MAP3K5: variants seen among roughly 807,000 people sequenced by gnomAD.
MAP3K5 encodes the protein mitogen-activated protein kinase kinase kinase 5.
Under a neutral mutation model 158.7 loss-of-function variants are expected in MAP3K5, and 56 were observed. The ratio of observed to expected loss-of-function variants is 0.35; its 90% CI spans 0.28 to 0.44. MAP3K5 has a LOEUF of 0.44. MAP3K5 is among the 20% of genes least tolerant of loss of function. The pLI, the probability that MAP3K5 is intolerant of heterozygous loss-of-function variation, is 1.00. For missense variants in MAP3K5, 1,294 were observed against 1,674.8 expected, an observed-to-expected ratio of 0.77 and a Z score of 3.97; for synonymous variants, 579 against 601.7, an observed-to-expected ratio of 0.96 and a Z score of 0.55.
intron 14 of MAP3K5, among the ~76,000 whole-genome samples, chr6:136,636,290 T>C (rs1022547207): frequency 5.3e-5 from 8 of 152,082 alleles, no homozygotes; most frequent in Non-Finnish European, 1.2e-4. Flanking sequence ...GCACCTTCTA[T>C]GAGGAACAGG....
intron 11 of MAP3K5, among the ~76,000 whole-genome samples, chr6:136,642,811 A>G (rs1423058521): frequency 6.6e-6 from 1 of 152,202 alleles, no homozygotes; most frequent in Non-Finnish European, 1.5e-5. Flanking sequence ...TAGGAGAATT[A>G]GTCTCATTAA....
At chr6:136,644,600 AG>A (rs1442426711) in intron 11 of MAP3K5, among the ~76,000 whole-genome samples, 1 of 152,226 alleles carries the variant, frequency 6.6e-6, no homozygotes, top group Non-Finnish European at 1.5e-5. Context: ...ATACTGTAGT[AG>A]GCACTGTCAG....
At chr6:136,597,413 A>G (rs1320161681) in intron 21 of MAP3K5, among the ~76,000 whole-genome samples, 1 of 152,200 alleles carries the variant, frequency 6.6e-6, no homozygotes, top group African/African-American at 2.4e-5. Context: ...ACAGCTATTC[A>G]TGATCACTAG....
chr6:136,611,496 A>T (rs1776343061), intron 17 of MAP3K5, 109 bp from the exon 18 acceptor site: 5 of 598,476 alleles, frequency 8.4e-6, no homozygotes, highest in Admixed American at 2.4e-5. Flanking sequence ...TACAGCTACC[A>T]ACGACATTAA....
At chr6:136,662,798 CAATATTTTTCTCTATTTAAA>C (rs1280623812) in intron 8 of MAP3K5, among the ~76,000 whole-genome samples, 1 of 152,138 alleles carries the variant, frequency 6.6e-6, no homozygotes, top group Non-Finnish European at 1.5e-5. Flanking sequence ...CCTTCCAGAT[CAATATTTTTCTCTATTTAAA>C]AATATTTTGG....
At chr6:136,575,471 A>C (rs1003337853) in intron 25 of MAP3K5, among the ~76,000 whole-genome samples, 16 of 152,142 alleles carry the variant, frequency 1.1e-4, no homozygotes, top group African/African-American at 3.9e-4. Flanking sequence ...ACTTTGACAC[A>C]ATACTATTAA....
At chr6:136,638,127 G>A (rs1452679603) in intron 13 of MAP3K5, among the ~76,000 whole-genome samples, 1 of 152,044 alleles carries the variant, frequency 6.6e-6, no homozygotes, top group East Asian at 1.9e-4. Flanking sequence ...AAATTCCCAA[G>A]CCTGATTGGA....
chr6:136,659,247 T>C lies in MAP3K5; in HGVS notation c.1498A>G (p.Lys500Glu), dbSNP rs1778900812. 2 of 1,614,010 alleles carry C rather than the reference T, an allele frequency of 1.2e-6. No individual in the cohort carries two copies. The highest frequency in any genetic ancestry group is 1.3e-5 in the African/African-American group (1 of 74,920). ...GCTGGTGTCTTCAGTTTAAAAAGCT[T>C]TTCAGATGCTTGAATGACTCTCATG... is the stretch of plus-strand genomic sequence containing the variant. ...DHMRVIQASEKLFKLKTPAWY... is the reference protein window; with the variant it reads ...DHMRVIQASEELFKLKTPAWY... Residue 500 changes from lysine (K) to glutamate (E), a missense_variant, in exon 9 of 30, where the codon AAG (lysine) becomes GAG (glutamate). Transcript: ENST00000359015.
intron 1 of MAP3K5, among the ~76,000 whole-genome samples, chr6:136,752,904 C>T (rs1783283002): frequency 6.6e-6 from 1 of 152,200 alleles, no homozygotes; most frequent in Admixed American, 6.5e-5. Context: ...GACTCTGCTC[C>T]CTCTGCCTGG....
At chr6:136,568,351 C>A (rs534484694) in intron 25 of MAP3K5, among the ~76,000 whole-genome samples, 4 of 152,268 alleles carry the variant, frequency 2.6e-5, no homozygotes, top group African/African-American at 9.6e-5. Context: ...ATGCTTTCTG[C>A]CTGTAACATC....
intron 25 of MAP3K5, among the ~76,000 whole-genome samples, chr6:136,575,611 AT>A (rs1278194592): frequency 6.6e-6 from 1 of 151,992 alleles, no homozygotes; most frequent in Non-Finnish European, 1.5e-5. Flanking sequence ...GTATTTCTTT[AT>A]TTCTCACGAC....
chr6:136,700,377 T>C (rs1780799356), intron 3 of MAP3K5, among the ~76,000 whole-genome samples: 1 of 152,086 alleles, frequency 6.6e-6, no homozygotes, highest in Non-Finnish European at 1.5e-5. Context: ...CAGCTGGATC[T>C]GGTAACTGAT....
chr6:136,621,415 A>G (rs1032344118), intron 15 of MAP3K5, among the ~76,000 whole-genome samples: 2 of 152,224 alleles, frequency 1.3e-5, no homozygotes, highest in Non-Finnish European at 2.9e-5. Context: ...TATCTGGTTC[A>G]GGTTCTGACA....
intron 25 of MAP3K5, among the ~76,000 whole-genome samples, chr6:136,574,316 A>T (rs1196801000): frequency 6.6e-6 from 1 of 152,228 alleles, no homozygotes; most frequent in Non-Finnish European, 1.5e-5. Flanking sequence ...ACTTGCATGA[A>T]GCTCCTCGTA....
intron 11 of MAP3K5, 25 bp from the exon 12 acceptor site, chr6:136,642,594 C>A: frequency 1.4e-6 from 2 of 1,473,544 alleles, no homozygotes; most frequent in Non-Finnish European, 1.9e-6. Context: ...AGAAAATATA[C>A]TGAGTCATCC....
chr6:136,791,910 G>A lies in MAP3K5; in HGVS notation c.248C>T (p.Ser83Phe), dbSNP rs961201331. The A allele has an allele frequency of 6.2e-7, 1 of 1,613,002 alleles. No homozygotes were observed. Among genetic ancestry groups the A allele is most frequent in the African/African-American group, 1.3e-5 (1 of 75,000 alleles). The change falls in exon 1 of 30, where the codon TCT (serine) becomes TTT (phenylalanine). Residue 83 changes from serine to phenylalanine, a missense_variant. Ser to Phe is a radical substitution (Grantham distance 155). Coordinates refer to ENST00000359015, the MANE Select transcript of MAP3K5 (RefSeq NM_005923.4). ...SSSATRGRGS[S>F]VGGGSRRTTV... Reference sequence around the variant, plus strand: ...GGTCCGTCGGCTGCCCCCGCCAACAGAGCTGCCCCGGCCTCGGGTGGCACT... The same window carrying A: ...GGTCCGTCGGCTGCCCCCGCCAACAAAGCTGCCCCGGCCTCGGGTGGCACT...
chr6:136,676,252 A>C (rs79160956), intron 7 of MAP3K5, among the ~76,000 whole-genome samples: 3,090 of 152,308 alleles, frequency 0.02, 97 homozygotes, highest in African/African-American at 0.069. Context: ...ATACTTGTGA[A>C]ATGAAGAAAG....
intron 20 of MAP3K5, 60 bp from the exon 21 acceptor site, chr6:136,601,102 A>T: frequency 6.5e-7 from 1 of 1,548,922 alleles, no homozygotes; most frequent in Non-Finnish European, 8.9e-7. Flanking sequence ...TGTTAAACTG[A>T]GAAATCAACA....
chr6:136,693,506 A>G (rs950813476), intron 7 of MAP3K5, among the ~76,000 whole-genome samples: 2 of 152,038 alleles, frequency 1.3e-5, no homozygotes, highest in African/African-American at 4.8e-5. Context: ...CAAACTCGGT[A>G]TATTTTTTCC....
Sources: gnomAD v4.1 joint callset for allele counts (sites outside exome capture counted in the v4.1 genomes callset) on GRCh38, gnomAD v4.1.1 for gene constraint, MANE v1.5 for transcripts, NCBI Gene and HGNC (gene_info 2026-07-23, HGNC 2026-07-21) for gene names.